Variants in MGME1 observed in about 807,000 individuals in gnomAD.
MGME1 encodes chromosome 20 open reading frame 72.
A neutral mutation model predicts 33.0 loss-of-function variants in MGME1; 22 were observed. The observed-to-expected ratio is 0.67, with a 90% CI of 0.48 to 0.95. The LOEUF (loss-of-function observed/expected upper bound fraction) is 0.95. Ranked by LOEUF, MGME1 falls within the 40% of genes least tolerant of loss-of-function variation. MGME1 has a pLI of 0.00. For missense variants in MGME1, 383 were observed against 397.8 expected (o/e 0.96, Z 0.32); for synonymous variants, 133 against 144.0 (o/e 0.92, Z 0.55).
intron 2 of MGME1, among the ~76,000 whole-genome samples, chr20:17,973,330 G>A (rs1197475190): frequency 7.9e-5 from 12 of 151,848 alleles, no homozygotes; most frequent in Non-Finnish European, 1.5e-5. Flanking sequence ...GAAAAAAAAA[G>A]AATTGACATT....
At position 17,975,995 on chromosome 20, in the gene MGME1, T is replaced by C. The variant is rs563177070; in HGVS notation, c.731+92T>C. On this transcript the variant is annotated intron_variant, in intron 3 of 4. Coordinates refer to ENST00000377710, the MANE Select transcript of MGME1 (RefSeq NM_052865.4). ...GTAGGTACTGTAGCCTCTGTCTGTT[T>C]AATGTCCAGACCTTTGTGCTAGGTA... is the stretch of plus-strand genomic sequence containing the variant. 1.1e-4 allele frequency: 111 copies of C among 1,036,172 alleles called. 1 individual carries two copies. In the South Asian group the frequency reaches 1.4e-3, roughly 13 times the overall value. The allele number at this position is 1,036,172 out of a possible 1,614,324, so 64.2% of individuals were successfully genotyped here.
At chr20:17,983,335 T>G (rs762531607) in intron 3 of MGME1, among the ~76,000 whole-genome samples, 1 of 151,772 alleles carries the variant, frequency 6.6e-6, no homozygotes, top group Non-Finnish European at 1.5e-5. Context: ...TATCCATAGA[T>G]GGACACTTAG....
chr20:17,987,915 TG>T (rs898942130), intron 3 of MGME1, among the ~76,000 whole-genome samples: 1 of 150,472 alleles, frequency 6.6e-6, no homozygotes, highest in Admixed American at 6.6e-5. Context: ...GGAGAAAAAG[TG>T]GGGGGGTGCA....
At chr20:17,989,770 T>A (rs1208400801) in intron 4 of MGME1, among the ~76,000 whole-genome samples, 169 bp from the exon 5 acceptor site, 1 of 152,060 alleles carries the variant, frequency 6.6e-6, no homozygotes, top group Non-Finnish European at 1.5e-5. Flanking sequence ...TCTGTCATCT[T>A]TGTGTTCTTG....
At chr20:17,981,960 T>G (rs1462886693) in intron 3 of MGME1, among the ~76,000 whole-genome samples, 3 of 151,744 alleles carry the variant, frequency 2.0e-5, no homozygotes, top group African/African-American at 7.3e-5. Context: ...GCCCTACTTC[T>G]CTCTTAACTC....
intron 3 of MGME1, among the ~76,000 whole-genome samples, chr20:17,986,628 G>A (rs2036160808): frequency 6.6e-6 from 1 of 151,990 alleles, no homozygotes; most frequent in Non-Finnish European, 1.5e-5. Flanking sequence ...CCAAAGTGCT[G>A]GAGATTACAG....
chr20:17,984,543 G>A (rs901472777), intron 3 of MGME1, among the ~76,000 whole-genome samples: 8 of 151,980 alleles, frequency 5.3e-5, no homozygotes, highest in African/African-American at 1.9e-4. Context: ...ATTGATAATG[G>A]TAATAAACAA....
chr20:17,980,559 C>T (rs1338244014), intron 3 of MGME1, among the ~76,000 whole-genome samples: 1 of 151,788 alleles, frequency 6.6e-6, no homozygotes, highest in Non-Finnish European at 1.5e-5. Context: ...CCTGTAATCC[C>T]AGTACTTTGG....
At position 17,988,217 on chromosome 20, in the gene MGME1, T is replaced by A; in HGVS notation, c.783T>A (p.Phe261Leu). ...DWKTSEKPKP[F>L]IQSTFDNPLQ... Reference sequence around the variant, plus strand: ...AGACATCAGAGAAACCAAAGCCTTTTATTCAAAGTACATTTGACAACCCAC... The same window carrying A: ...AGACATCAGAGAAACCAAAGCCTTTAATTCAAAGTACATTTGACAACCCAC... Residue 261 changes from phenylalanine (F) to leucine (L), a missense_variant, in exon 4 of 5, where the codon TTT becomes TTA. Coordinates refer to ENST00000377710, the MANE Select transcript of MGME1 (RefSeq NM_052865.4). 6.2e-7 allele frequency: 1 copy of A among 1,614,160 alleles called. No individual in the cohort carries two copies. The highest frequency in any genetic ancestry group is 1.1e-5 in the South Asian group (1 of 91,078).
chr20:17,984,939 A>AG (rs938305626), intron 3 of MGME1, among the ~76,000 whole-genome samples: 6 of 148,670 alleles, frequency 4.0e-5, no homozygotes, highest in African/African-American at 7.4e-5. Context: ...CTGGAGGCTG[A>AG]GGTAGGAAGA....
At chr20:17,972,083 GAAAT>G (rs1472325471) in intron 2 of MGME1, among the ~76,000 whole-genome samples, 4 of 152,078 alleles carry the variant, frequency 2.6e-5, no homozygotes, top group Non-Finnish European at 5.9e-5. Context: ...AGTGGGTTCT[GAAAT>G]AAATAAAGGG....
chr20:17,980,566 T>A (rs2035987889), intron 3 of MGME1, among the ~76,000 whole-genome samples: 1 of 151,860 alleles, frequency 6.6e-6, no homozygotes, highest in South Asian at 2.1e-4. Flanking sequence ...TCCCAGTACT[T>A]TGGGAGGCCA....
chr20:17,969,941 TTC>T lies in MGME1; in HGVS notation c.86_87del (p.Ser29TyrfsTer16). On this transcript the variant is annotated frameshift_variant, in exon 2 of 5. Coordinates refer to ENST00000377710, the MANE Select transcript of MGME1 (RefSeq NM_052865.4). LOFTEE classifies it high-confidence loss of function. ...FSVESAALVA[F>X]STSSYSCGRK... ...TGTGGAATCAGCTGCCCTTGTGGCT[TTC>T]TCTACTTCCTCTTACTCATGTGGCC... 4 of 1,614,200 alleles carry T rather than the reference TTC, an allele frequency of 2.5e-6. No homozygotes were observed. The highest frequency in any genetic ancestry group is 3.4e-6 in the Non-Finnish European group (4 of 1,180,030).
Position 17,988,439 on chromosome 20 carries a change from C to T in MGME1, c.864+141C>T, listed in dbSNP as rs1476337878. ...GGTGGATCACTTGAGGTCAGGAGTT[C>T]AAGACCAGCCTGGCCAATATGGTGA... On this transcript the variant is annotated intron_variant, in intron 4 of 4. Transcript: ENST00000377710. 3 of 798,432 alleles carry T rather than the reference C, an allele frequency of 3.8e-6. No individual in the cohort carries two copies. The East Asian group carries it at 8.6e-5, about 23-fold the overall frequency. The allele number at this position is 798,432 out of a possible 1,614,324, so 49.5% of individuals were successfully genotyped here.
chr20:17,972,690 AG>A (rs2035760087), intron 2 of MGME1: 1 of 985,318 alleles, frequency 1.0e-6, no homozygotes, highest in Non-Finnish European at 1.2e-6. Flanking sequence ...TAGTGTCTAA[AG>A]GATCCTGTAA....
chr20:17,989,670 G>GA lies in MGME1; in HGVS notation c.865-260dup, dbSNP rs145865670. ...GGGAGTGGGATCCTGTCTCAAAAAA[G>GA]AAAAAAAAAGCACTTTTCCACCCTC... On this transcript the variant is annotated intron_variant, in intron 4 of 4. Coordinates refer to ENST00000377710, the MANE Select transcript of MGME1 (RefSeq NM_052865.4). Among the ~76,000 whole-genome samples the GA allele has an allele frequency of 8.1e-3, 1,168 of 144,406 alleles. 19 individuals are homozygous for GA. Among genetic ancestry groups the GA allele is most frequent in the African/African-American group, 0.028 (1,104 of 39,562 alleles). 94.7% of individuals were successfully genotyped at this position (144,406 alleles called of 152,430 possible). A position where few individuals can be genotyped will look rare whatever the true frequency, so the allele number is the denominator to read the frequency against.
chr20:17,989,860 G>T, intron 4 of MGME1, 79 bp from the exon 5 acceptor site: 1 of 1,319,982 alleles, frequency 7.6e-7, no homozygotes, highest in African/African-American at 1.5e-5. Context: ...TACTGAGTTT[G>T]CCCTGGAGTA....
intron 3 of MGME1, among the ~76,000 whole-genome samples, chr20:17,986,349 G>A (rs543834572): frequency 6.6e-6 from 1 of 151,504 alleles, no homozygotes; most frequent in African/African-American, 2.4e-5. Flanking sequence ...GATTACAGGT[G>A]TAAGCCACCG....
intron 3 of MGME1, among the ~76,000 whole-genome samples, chr20:17,977,492 G>T (rs1159209541): frequency 1.3e-5 from 2 of 152,142 alleles, no homozygotes; most frequent in Non-Finnish European, 2.9e-5. Context: ...TCCATAGACA[G>T]AGCAGGGCGT....
Sources: allele counts gnomAD v4.1 joint callset (sites outside exome capture counted in the v4.1 genomes callset), GRCh38; gene constraint gnomAD v4.1.1; transcripts MANE v1.5; gene names NCBI Gene and HGNC (gene_info 2026-07-23, HGNC 2026-07-21).